HERC3: variants seen among roughly 807,000 people sequenced by gnomAD.
HERC3 encodes the protein HECT and RLD domain containing E3 ubiquitin protein ligase 3, also known as probable E3 ubiquitin-protein ligase HERC3.
In HERC3, 58 loss-of-function variants were observed where a neutral mutation model predicts 129.9. That is an observed-to-expected ratio of 0.45 (90% confidence interval 0.36 to 0.56). The LOEUF (loss-of-function observed/expected upper bound fraction) is 0.56, where lower values mean the gene tolerates loss of function less well. Ranked by LOEUF, HERC3 falls within the 20% of genes least tolerant of loss-of-function variation. The pLI is 0.00. For synonymous variants in HERC3, 430 were observed against 451.0 expected, an observed-to-expected ratio of 0.95 and a Z score of 0.59; for missense variants, 835 against 1,244.2, an observed-to-expected ratio of 0.67 and a Z score of 4.95.
chr4:88,697,509 C>A (rs773523221), intron 23 of HERC3: 2 of 1,614,112 alleles, frequency 1.2e-6, no homozygotes, highest in East Asian at 4.5e-5. Flanking sequence ...TTTTGAGGGC[C>A]AGGACTCGGC....
intron 3 of HERC3, among the ~76,000 whole-genome samples, chr4:88,638,209 G>A (rs759528363): frequency 3.3e-5 from 5 of 152,170 alleles, no homozygotes; most frequent in Non-Finnish European, 7.3e-5. Context: ...CTAAACAATT[G>A]AAAAGGAGGG....
At chr4:88,587,999 A>G (rs1285898445), upstream of HERC3, among the ~76,000 whole-genome samples, 1 of 152,270 alleles carries the variant, frequency 6.6e-6, no homozygotes, top group Non-Finnish European at 1.5e-5. Flanking sequence ...AAATCTTCAG[A>G]GACCAGCTAA....
chr4:88,552,348 G>A, the HERC3 span, among the ~76,000 whole-genome samples: 28,860 of 151,958 alleles, frequency 0.19, 6,060 homozygotes, highest in African/African-American at 0.52. Context: ...GGGTTTGGAC[G>A]GTGAATTTGT....
At chr4:88,601,273 T>C (rs927385655) in intron 2 of HERC3, among the ~76,000 whole-genome samples, 1 of 152,196 alleles carries the variant, frequency 6.6e-6, no homozygotes, top group Non-Finnish European at 1.5e-5. Flanking sequence ...TACCTCAGGA[T>C]TACAATAAGG....
Position 88,667,372 on chromosome 4 carries a change from T to C in HERC3, c.1332-5T>C. ...TTATATACCTTTTTGATTTTGTTTG[T>C]TTAGAATTGATGAACATTTTAAAAC... On this transcript the variant is annotated splice_polypyrimidine_tract_variant and splice_region_variant and intron_variant, in intron 12 of 25. Coordinates refer to ENST00000402738, the MANE Select transcript of HERC3 (RefSeq NM_014606.3). The C allele has an allele frequency of 6.5e-7, 1 of 1,535,326 alleles. No individual in the cohort carries two copies. The highest frequency in any genetic ancestry group is 8.9e-7 in the Non-Finnish European group (1 of 1,119,130).
intron 3 of HERC3, among the ~76,000 whole-genome samples, chr4:88,616,903 C>T (rs1031679985): frequency 1.9e-4 from 29 of 152,102 alleles, no homozygotes; most frequent in Middle Eastern, 3.4e-3. Context: ...ATTTATTCTT[C>T]CTGCCAAATC....
chr4:88,527,804 T>G, the HERC3 span: 597 of 332,594 alleles, frequency 1.8e-3, no homozygotes, highest in Non-Finnish European at 2.7e-3. Context: ...GAGGTGATCT[T>G]GGCCATCCTG....
intron 19 of HERC3, among the ~76,000 whole-genome samples, chr4:88,679,582 C>T (rs971735605): frequency 2.1e-4 from 31 of 148,754 alleles, no homozygotes; most frequent in African/African-American, 6.7e-4. Context: ...TGCAGTGGTG[C>T]GATCTCGGCT....
At position 88,649,889 on chromosome 4, in the gene HERC3, C is replaced by T. The variant is rs1221116549; in HGVS notation, c.276C>T (p.Gly92=). ...ADQHIIHVAC[G]ESHSLALSDR... is the part of the protein sequence containing the mutation. ...AGCATATCATTCATGTGGCATGTGG[C>T]GAGTCCCACAGTCTGGCCCTCAGTG... Residue 92 remains glycine, a synonymous_variant, in exon 4 of 26, where the codon GGC becomes GGT. Transcript: ENST00000402738. 12 of 1,613,810 alleles carry T rather than the reference C, an allele frequency of 7.4e-6. No homozygotes were observed. The highest frequency in any genetic ancestry group is 1.7e-5 in the Admixed American group (1 of 59,964).
Position 88,674,683 on chromosome 4 carries a change from TTTTG to T in HERC3, c.1912-1531_1912-1528del, listed in dbSNP as rs1256163501. 1.1e-4 allele frequency among the ~76,000 whole-genome samples: 16 copies of T among 151,528 alleles called. 1 individual carries two copies. Among genetic ancestry groups the T allele is most frequent in the Admixed American group, 7.2e-4 (11 of 15,224 alleles). On this transcript the variant is annotated intron_variant, in intron 16 of 25. Transcript: ENST00000402738. ...TGTATAGTGCTGTTTTATGGTGTGG[TTTTG>T]TTTTTTTGTTTTTAGTCATCTTGAT...
intron 3 of HERC3, among the ~76,000 whole-genome samples, chr4:88,639,482 T>C (rs919889075): frequency 2.0e-5 from 3 of 152,066 alleles, no homozygotes; most frequent in African/African-American, 7.2e-5. Flanking sequence ...AAACAAACAA[T>C]GGGGAAAGGA....
At chr4:88,603,900 C>T (rs1723308173) in intron 2 of HERC3, among the ~76,000 whole-genome samples, 1 of 152,166 alleles carries the variant, frequency 6.6e-6, no homozygotes, top group Non-Finnish European at 1.5e-5. Context: ...CACAATTAAA[C>T]TCAAGAAAGC....
At chr4:88,594,769 G>T (rs1004332961) in intron 1 of HERC3, among the ~76,000 whole-genome samples, 1 of 152,020 alleles carries the variant, frequency 6.6e-6, no homozygotes, top group Non-Finnish European at 1.5e-5. Flanking sequence ...TTCTCATTTT[G>T]CATGATGGAG....
intron 3 of HERC3, among the ~76,000 whole-genome samples, chr4:88,640,856 C>G (rs1197526372): frequency 1.3e-5 from 2 of 151,972 alleles, no homozygotes; most frequent in East Asian, 1.9e-4. Flanking sequence ...GAAAAATAGA[C>G]AAATCTAAAA....
chr4:88,679,684 A>G (rs1732555183), intron 19 of HERC3, among the ~76,000 whole-genome samples: 1 of 152,094 alleles, frequency 6.6e-6, no homozygotes, highest in East Asian at 1.9e-4. Flanking sequence ...TGCCAGGCTC[A>G]TTTTTGTATT....
At chr4:88,545,300 A>T in the HERC3 span, among the ~76,000 whole-genome samples, 3 of 152,206 alleles carry the variant, frequency 2.0e-5, no homozygotes, top group Non-Finnish European at 2.9e-5. Context: ...TAAATAAAAT[A>T]AAAAATTTTT....
At chr4:88,583,459 A>C in the HERC3 span, among the ~76,000 whole-genome samples, 15 of 152,218 alleles carry the variant, frequency 9.9e-5, no homozygotes, top group African/African-American at 3.6e-4. Flanking sequence ...AAAAGTAAAA[A>C]AAATGTAATT....
chr4:88,526,802 G>A, the HERC3 span, among the ~76,000 whole-genome samples: 2 of 152,076 alleles, frequency 1.3e-5, no homozygotes, highest in Non-Finnish European at 1.5e-5. Context: ...CAAAGTGCTA[G>A]GATTACAGGC....
At chr4:88,589,272 A>G (rs1463720438), upstream of HERC3, among the ~76,000 whole-genome samples, 1 of 152,098 alleles carries the variant, frequency 6.6e-6, no homozygotes, top group African/African-American at 2.4e-5. Flanking sequence ...TTGGAGAGAC[A>G]GGGACTCACT....
Sources: allele counts gnomAD v4.1 joint callset (sites outside exome capture counted in the v4.1 genomes callset), GRCh38; gene constraint gnomAD v4.1.1; transcripts MANE v1.5; gene names NCBI Gene and HGNC (gene_info 2026-07-23, HGNC 2026-07-21).